ZNF391: variants seen among roughly 807,000 people sequenced by gnomAD.
ZNF391 encodes zinc finger protein 391.
For missense variants in ZNF391, 375 were observed against 425.5 expected, an observed-to-expected ratio of 0.88 and a Z score of 1.04; for synonymous variants, 126 against 142.1, an observed-to-expected ratio of 0.89 and a Z score of 0.80.
At chr6:27,397,562 T>C (rs1361032295) in intron 1 of ZNF391, among the ~76,000 whole-genome samples, 1 of 152,204 alleles carries the variant, frequency 6.6e-6, no homozygotes, top group Non-Finnish European at 1.5e-5. Flanking sequence ...GCTACAAGAA[T>C]GGAAGCCAGC....
At chr6:27,388,000 T>TA (rs1277945037), upstream of ZNF391, among the ~76,000 whole-genome samples, 2 of 152,232 alleles carry the variant, frequency 1.3e-5, no homozygotes, top group African/African-American at 4.8e-5. Context: ...TCATGCTTTA[T>TA]ACTTACTTGA....
chr6:27,387,967 C>A (rs769555792), upstream of ZNF391, among the ~76,000 whole-genome samples: 2 of 152,134 alleles, frequency 1.3e-5, no homozygotes, highest in South Asian at 4.1e-4. Flanking sequence ...TAATTTGGAT[C>A]CTGCTCCTTT....
chr6:27,387,194 A>G (rs1761596676), upstream of ZNF391, among the ~76,000 whole-genome samples: 1 of 152,182 alleles, frequency 6.6e-6, no homozygotes, highest in South Asian at 2.1e-4. Context: ...CTACAACAAA[A>G]CAGAAGTTAA....
At chr6:27,397,075 T>A (rs1761841854) in intron 1 of ZNF391, among the ~76,000 whole-genome samples, 1 of 152,268 alleles carries the variant, frequency 6.6e-6, no homozygotes. Context: ...AGGCCATTCT[T>A]GCATTGCTAT....
In ZNF391 at chr6:27,401,346, A is replaced by G. The variant is rs1283911200; in HGVS notation, c.976A>G (p.Thr326Ala). The G allele has an allele frequency of 6.2e-7, 1 of 1,614,050 alleles. No homozygotes were observed. Among genetic ancestry groups the G allele is most frequent in the Non-Finnish European group, 8.5e-7 (1 of 1,180,006 alleles). Reference sequence around the variant, plus strand: ...CTCATCCCTTATTATTCATCAGAGAACTCATACCGGGGAGAAGCCGTACAA... The same window carrying G: ...CTCATCCCTTATTATTCATCAGAGAGCTCATACCGGGGAGAAGCCGTACAA... ...RSSSLIIHQR[T>A]HTGEKPYKCN... The change falls in exon 3 of 3, where the codon ACT (threonine) becomes GCT (alanine). Residue 326 changes from threonine to alanine, a missense_variant. Coordinates refer to ENST00000244576, the MANE Select transcript of ZNF391 (RefSeq NM_001076781.3).
rs1382638901 is a variant in ZNF391, at chr6:27,400,834, A to G, written c.464A>G (p.His155Arg). 1.9e-6 allele frequency: 3 copies of G among 1,614,142 alleles called. No homozygotes were observed. The highest frequency in any genetic ancestry group is 1.7e-5 in the Admixed American group (1 of 60,010). The change falls in exon 3 of 3, where the codon CAT becomes CGT. Residue 155 changes from histidine to arginine, a missense_variant. By Grantham distance (29) the His-to-Arg change is conservative. Coordinates refer to ENST00000244576, the MANE Select transcript of ZNF391 (RefSeq NM_001076781.3). ...SFSRSTHLIE[H>R]QRTHTGEKPY... ...AGCCGAAGTACACACCTTATTGAAC[A>G]TCAAAGAACTCACACTGGAGAGAAA...
At chr6:27,386,320 A>C (rs1761581587), upstream of ZNF391, among the ~76,000 whole-genome samples, 1 of 152,208 alleles carries the variant, frequency 6.6e-6, no homozygotes, top group Non-Finnish European at 1.5e-5. Flanking sequence ...AACTACTGAT[A>C]AGATGATAAT....
At chr6:27,381,935 G>A (rs1217911525) in intron 1 of ZNF391, among the ~76,000 whole-genome samples, 1 of 150,956 alleles carries the variant, frequency 6.6e-6, no homozygotes, top group African/African-American at 2.4e-5. Context: ...TCGGGAGGCT[G>A]AGGCAGGAGA....
chr6:27,386,609 G>A (rs1321352003), upstream of ZNF391, among the ~76,000 whole-genome samples: 1 of 152,030 alleles, frequency 6.6e-6, no homozygotes, highest in Non-Finnish European at 1.5e-5. Context: ...TCACATATAC[G>A]GTTGATTGAT....
rs1208193274 is a variant in ZNF391, at chr6:27,381,965, C to T, written n.523+6828C>T. Among the ~76,000 whole-genome samples the T allele has an allele frequency of 2.9e-5, 4 of 138,882 alleles. No individual in the cohort carries two copies. The East Asian group carries it at 6.9e-4, about 24-fold the overall frequency. The allele number at this position is 138,882 out of a possible 152,430, so 91.1% of individuals were successfully genotyped here. ...AGGAGAATTGCTTGAACCTGGAAGGCGGAGGTTGCAGCGAGCCGAGATCGG... is the reference window on the plus strand; with the variant it reads ...AGGAGAATTGCTTGAACCTGGAAGGTGGAGGTTGCAGCGAGCCGAGATCGG... On this transcript the variant is annotated intron_variant and non_coding_transcript_variant, in intron 1 of 2. Transcript: ENST00000477999.
At chr6:27,375,162 C>A (rs1407926916) in intron 1 of ZNF391, 1 of 152,286 alleles carries the variant, frequency 6.6e-6, no homozygotes, top group Non-Finnish European at 1.5e-5. Context: ...TGACACTCAG[C>A]GCGCGGAGGA....
chr6:27,399,999 C>G (rs1761912083), intron 2 of ZNF391, among the ~76,000 whole-genome samples: 4 of 152,090 alleles, frequency 2.6e-5, no homozygotes. Context: ...CTTTTAATCC[C>G]CAACTCTCTG....
intron 1 of ZNF391, among the ~76,000 whole-genome samples, chr6:27,381,254 C>A (rs896830978): frequency 6.6e-6 from 1 of 152,246 alleles, no homozygotes; most frequent in African/African-American, 2.4e-5. Context: ...GAGCGCAGCG[C>A]CGGTGGGCTA....
chr6:27,390,307 A>C (rs1761676099), intron 1 of ZNF391, among the ~76,000 whole-genome samples: 1 of 152,226 alleles, frequency 6.6e-6, no homozygotes, highest in African/African-American at 2.4e-5. Context: ...AGTGCTAAAA[A>C]GTTTGAGTCA....
upstream of ZNF391, among the ~76,000 whole-genome samples, chr6:27,385,523 A>AGG (rs1761573070): frequency 6.6e-6 from 1 of 152,222 alleles, no homozygotes; most frequent in Non-Finnish European, 1.5e-5. Context: ...CTTCAAAGCA[A>AGG]GGAGAGCTAT....
Position 27,400,972 on chromosome 6 carries a change from C to G in ZNF391, c.602C>G (p.Ala201Gly), listed in dbSNP as rs201267950. 129 of 1,614,046 alleles carry G rather than the reference C, an allele frequency of 8.0e-5. No homozygotes were observed. Among genetic ancestry groups the G allele is most frequent in the Non-Finnish European group, 1.1e-4 (126 of 1,180,040 alleles). The change falls in exon 3 of 3, where the codon GCC (alanine) becomes GGC (glycine). Residue 201 changes from alanine to glycine, a missense_variant. Transcript: ENST00000244576. ...KPYECSECGKAFSRSTNLSQH... is the reference protein window; with the variant it reads ...KPYECSECGKGFSRSTNLSQH... ...TATGAATGTAGTGAATGTGGAAAAGCCTTTAGCCGAAGCACTAACCTTAGT... is the reference window on the plus strand; with the variant it reads ...TATGAATGTAGTGAATGTGGAAAAGGCTTTAGCCGAAGCACTAACCTTAGT...
At chr6:27,381,037 G>A (rs1277299940) in intron 1 of ZNF391, among the ~76,000 whole-genome samples, 1 of 152,266 alleles carries the variant, frequency 6.6e-6, no homozygotes, top group East Asian at 1.9e-4. Flanking sequence ...TGCAAGTGGA[G>A]CTGCCTGCCA....
At position 27,388,770 on chromosome 6, in the gene ZNF391, TG is replaced by T. The variant is rs1244869030; in HGVS notation, c.-492del. The T allele has an allele frequency of 2.5e-6, 1 of 406,264 alleles. No individual in the cohort carries two copies. The highest frequency in any genetic ancestry group is 4.8e-6 in the Non-Finnish European group (1 of 209,188). 25.2% of individuals were successfully genotyped at this position (406,264 alleles called of 1,614,324 possible). A position where few individuals can be genotyped will look rare whatever the true frequency, so the allele number is the denominator to read the frequency against. On this transcript the variant is annotated 5_prime_UTR_variant, in exon 1 of 3. Coordinates refer to ENST00000244576, the MANE Select transcript of ZNF391 (RefSeq NM_001076781.3). ...CGTTGCTCAGTCTCAGTGTGGTCTC[TG>T]TTTTGCAACTGGTCGTCCGCGTCAG...
chr6:27,387,663 T>C (rs1761606472), upstream of ZNF391, among the ~76,000 whole-genome samples: 1 of 152,204 alleles, frequency 6.6e-6, no homozygotes, highest in South Asian at 2.1e-4. Flanking sequence ...TTATTTTACT[T>C]ATATGGCATA....
Sources: allele counts gnomAD v4.1 joint callset (sites outside exome capture counted in the v4.1 genomes callset), GRCh38; gene constraint gnomAD v4.1.1; transcripts MANE v1.5; gene names NCBI Gene and HGNC (gene_info 2026-07-23, HGNC 2026-07-21).